Variants in TRAPPC12 observed in about 807,000 individuals in gnomAD.
The protein encoded by TRAPPC12 is trafficking protein particle complex subunit 12, also known as TPR repeat protein 15.
TRAPPC12 carries 61 observed loss-of-function variants against 69.2 expected under a neutral mutation model. The ratio of observed to expected loss-of-function variants is 0.88; its 90% CI spans 0.72 to 1.09. The LOEUF (loss-of-function observed/expected upper bound fraction) is 1.09. Among genes scored for constraint, TRAPPC12 ranks in the 50% least tolerant of loss-of-function variants. The probability of loss-of-function intolerance (pLI) is 0.00; values close to 1 mark genes in which losing one functional copy is unlikely to be tolerated. For synonymous variants in TRAPPC12, 469 were observed against 438.9 expected (o/e 1.07, Z -0.86); for missense variants, 1,101 against 1,016.4 (o/e 1.08, Z -1.13).
chr2:3,393,595 C>T (rs1660952005), intron 2 of TRAPPC12, among the ~76,000 whole-genome samples: 1 of 151,020 alleles, frequency 6.6e-6, no homozygotes, highest in Non-Finnish European at 1.5e-5. Flanking sequence ...CTATTTATAA[C>T]AAATGATCAT....
At chr2:3,458,959 A>G (rs1320848058) in intron 7 of TRAPPC12, among the ~76,000 whole-genome samples, 2 of 152,258 alleles carry the variant, frequency 1.3e-5, no homozygotes, top group African/African-American at 2.4e-5. Context: ...ATAATGGTAT[A>G]AGGGGAACAT....
intron 5 of TRAPPC12, among the ~76,000 whole-genome samples, chr2:3,428,408 C>T (rs1307917237): frequency 2.6e-5 from 4 of 152,090 alleles, no homozygotes; most frequent in Non-Finnish European, 4.4e-5. Context: ...ACTTCATTTT[C>T]GCTTGCAATA....
At chr2:3,460,157 A>C in intron 7 of TRAPPC12, 106 bp from the exon 8 acceptor site, 1 of 796,508 alleles carries the variant, frequency 1.3e-6, no homozygotes, top group East Asian at 2.6e-5. Flanking sequence ...GGTGTTAACA[A>C]GAGGGATCTT....
chr2:3,434,266 C>G (rs1371214349), intron 5 of TRAPPC12, among the ~76,000 whole-genome samples: 1 of 152,202 alleles, frequency 6.6e-6, no homozygotes, highest in Non-Finnish European at 1.5e-5. Context: ...GAAATTCACA[C>G]ACCTTACCTG....
At chr2:3,442,825 G>A (rs957550205) in intron 5 of TRAPPC12, among the ~76,000 whole-genome samples, 1 of 152,180 alleles carries the variant, frequency 6.6e-6, no homozygotes, top group African/African-American at 2.4e-5. Context: ...AGTCATACGC[G>A]TGTTTTCTCA....
At chr2:3,458,555 C>T (rs546859423) in intron 7 of TRAPPC12, 252 of 672,184 alleles carry the variant, frequency 3.7e-4, no homozygotes, top group Non-Finnish European at 4.4e-4. Flanking sequence ...GGTGTGCATG[C>T]TGTGGCATGT....
In TRAPPC12 at chr2:3,410,933, G is replaced by A. The variant is rs904547210; in HGVS notation, c.1164+9040G>A. Among the ~76,000 whole-genome samples, 20 of 152,326 alleles carry A rather than the reference G, an allele frequency of 1.3e-4. No individual in the cohort carries two copies. The Middle Eastern group carries it at 0.01, about 78-fold the overall frequency. Reference sequence around the variant, plus strand: ...TAGTCCCAGCTACTCGGGAGGCTGAGGCAGGAGAATGGCTTGAACCCAGGA... The same window carrying A: ...TAGTCCCAGCTACTCGGGAGGCTGAAGCAGGAGAATGGCTTGAACCCAGGA... On this transcript the variant is annotated intron_variant, in intron 3 of 11. Transcript: ENST00000324266.
chr2:3,470,298 G>T (rs551051315), intron 9 of TRAPPC12, among the ~76,000 whole-genome samples: 1 of 152,276 alleles, frequency 6.6e-6, no homozygotes, highest in Non-Finnish European at 1.5e-5. Context: ...TGTTCCACAA[G>T]GAAGCTGACG....
rs551174792 is a variant in TRAPPC12, at chr2:3,457,069, C to T, written c.1531-552C>T. The T allele has an allele frequency of 1.5e-4, 68 of 462,416 alleles. 1 individual carries two copies. The highest frequency in any genetic ancestry group is 1.2e-3 in the Admixed American group (53 of 42,518). 28.6% of individuals were successfully genotyped at this position (462,416 alleles called of 1,614,324 possible). A position where few individuals can be genotyped will look rare whatever the true frequency, so the allele number is the denominator to read the frequency against. ...TTTACAGTGTGTCCCTGTGGGCGAACGGGATAAGGAAAAGATGGTGCACAT... is the reference window on the plus strand; with the variant it reads ...TTTACAGTGTGTCCCTGTGGGCGAATGGGATAAGGAAAAGATGGTGCACAT... On this transcript the variant is annotated intron_variant, in intron 6 of 11. Transcript: ENST00000324266.
At chr2:3,470,438 G>T (rs1666012079) in intron 9 of TRAPPC12, among the ~76,000 whole-genome samples, 1 of 152,262 alleles carries the variant, frequency 6.6e-6, no homozygotes, top group South Asian at 2.1e-4. Context: ...GTTCCTGCTG[G>T]ACTCTCTGCA....
At chr2:3,457,968 G>A in intron 7 of TRAPPC12, 1 of 1,310,246 alleles carries the variant, frequency 7.6e-7, no homozygotes, top group Non-Finnish European at 9.7e-7. Flanking sequence ...CTGCCACGCT[G>A]AGTGGTCTGA....
chr2:3,412,340 C>A (rs1662110379), intron 3 of TRAPPC12, among the ~76,000 whole-genome samples: 1 of 152,120 alleles, frequency 6.6e-6, no homozygotes, highest in East Asian at 1.9e-4. Context: ...GCAGGTGGAT[C>A]ACCTGAGGTC....
chr2:3,455,463 T>A (rs1192626446), intron 6 of TRAPPC12: 1 of 27,098 alleles, frequency 3.7e-5, no homozygotes. Context: ...ATTTGTTCTA[T>A]TTTTTTTTTG....
intron 1 of TRAPPC12, among the ~76,000 whole-genome samples, chr2:3,383,009 A>G (rs1319607075): frequency 6.6e-6 from 1 of 152,250 alleles, no homozygotes; most frequent in Non-Finnish European, 1.5e-5. Context: ...ATCAAGATGT[A>G]TAGTTATCAA....
At chr2:3,468,446 G>A (rs553073545) in intron 9 of TRAPPC12, among the ~76,000 whole-genome samples, 11 of 152,144 alleles carry the variant, frequency 7.2e-5, no homozygotes, top group East Asian at 1.9e-4. Flanking sequence ...ACCGCCTGCC[G>A]TGAGCAGTCA....
intron 2 of TRAPPC12, chr2:3,388,977 TTAA>T (rs1349761214): frequency 5.6e-5 from 17 of 304,700 alleles, no homozygotes; most frequent in African/African-American, 8.6e-5. Context: ...TGAACTCCAG[TTAA>T]TAATAAATCC....
chr2:3,388,870 T>G (rs1007123332), intron 2 of TRAPPC12, 200 bp downstream of exon 2: 2 of 532,548 alleles, frequency 3.8e-6, no homozygotes, highest in African/African-American at 3.9e-5. Flanking sequence ...TTTAATGGAC[T>G]GCTACTCAGA....
intron 9 of TRAPPC12, among the ~76,000 whole-genome samples, chr2:3,466,784 G>A (rs1195702606): frequency 1.3e-5 from 2 of 152,306 alleles, no homozygotes; most frequent in South Asian, 2.1e-4. Context: ...GATGCGTGAC[G>A]CGTGAGCTGC....
At chr2:3,400,324 T>C (rs1661368691) in intron 2 of TRAPPC12, among the ~76,000 whole-genome samples, 2 of 148,240 alleles carry the variant, frequency 1.3e-5, no homozygotes, top group African/African-American at 2.5e-5. Context: ...GAGCCACTGC[T>C]TCCTCCTCCC....
Sources: gnomAD v4.1 joint callset for allele counts (sites outside exome capture counted in the v4.1 genomes callset) on GRCh38, gnomAD v4.1.1 for gene constraint, MANE v1.5 for transcripts, NCBI Gene and HGNC (gene_info 2026-07-23, HGNC 2026-07-21) for gene names.